Variants in RARB observed in about 807,000 individuals in gnomAD.
RARB encodes retinoic acid receptor beta, also known as HBV-activated protein.
Under a neutral mutation model 51.9 loss-of-function variants are expected in RARB, and 17 were observed. The observed-to-expected ratio is 0.33, with a 90% confidence interval of 0.22 to 0.49. The LOEUF (loss-of-function observed/expected upper bound fraction) is 0.49. Among genes scored for constraint, RARB ranks in the 20% least tolerant of loss-of-function variants. The pLI is 0.99. For missense variants in RARB, 369 were observed against 550.8 expected, an observed-to-expected ratio of 0.67 and a Z score of 3.30; for synonymous variants, 215 against 195.4, an observed-to-expected ratio of 1.10 and a Z score of -0.84.
At chr3:25,248,305 T>C (rs1244575748) in intron 5 of RARB, among the ~76,000 whole-genome samples, 1 of 152,190 alleles carries the variant, frequency 6.6e-6, no homozygotes, top group African/African-American at 2.4e-5. Context: ...AGGTGGATCA[T>C]GTTTTTAAAA....
intron 5 of RARB, among the ~76,000 whole-genome samples, chr3:25,185,364 T>G (rs891445887): frequency 6.6e-6 from 1 of 152,126 alleles, no homozygotes; most frequent in Non-Finnish European, 1.5e-5. Flanking sequence ...CCTTTTCTCT[T>G]AGGACCTGCG....
At chr3:25,422,147 A>G (rs1029901877) in intron 5 of RARB, among the ~76,000 whole-genome samples, 9 of 152,238 alleles carry the variant, frequency 5.9e-5, no homozygotes, top group African/African-American at 2.2e-4. Flanking sequence ...CTGTTCATAC[A>G]TATGATCTCA....
intron 5 of RARB, among the ~76,000 whole-genome samples, chr3:25,311,740 G>A (rs1266067623): frequency 1.3e-5 from 2 of 152,168 alleles, no homozygotes; most frequent in Non-Finnish European, 2.9e-5. Flanking sequence ...TGTAAGTGAT[G>A]GCTTTATTTT....
At chr3:25,106,980 A>G (rs868352663) in intron 3 of RARB, among the ~76,000 whole-genome samples, 1 of 151,752 alleles carries the variant, frequency 6.6e-6, no homozygotes, top group South Asian at 2.1e-4. Context: ...AGCTCACTGC[A>G]ACCTCCGCCT....
intron 4 of RARB, among the ~76,000 whole-genome samples, chr3:25,168,593 T>C (rs992336306): frequency 1.3e-5 from 2 of 151,850 alleles, no homozygotes; most frequent in Admixed American, 1.3e-4. Context: ...GAACAATGTA[T>C]AAATAAGAAA....
intron 3 of RARB, among the ~76,000 whole-genome samples, chr3:25,110,468 T>C (rs1290545002): frequency 1.6e-4 from 25 of 152,230 alleles, no homozygotes; most frequent in Admixed American, 1.6e-3. Flanking sequence ...AATTACTTTT[T>C]CCTGCATTTC....
At chr3:25,233,119 G>A (rs1453470122) in intron 5 of RARB, among the ~76,000 whole-genome samples, 1 of 151,726 alleles carries the variant, frequency 6.6e-6, no homozygotes, top group African/African-American at 2.4e-5. Flanking sequence ...GGAACTACAG[G>A]CACGTGCCAC....
intron 5 of RARB, among the ~76,000 whole-genome samples, chr3:25,241,314 T>C (rs934046013): frequency 6.6e-6 from 1 of 152,186 alleles, no homozygotes; most frequent in Non-Finnish European, 1.5e-5. Flanking sequence ...ATTTGTTTTA[T>C]GTCTTTTTTT....
At chr3:25,369,697 C>T (rs967318069) in intron 5 of RARB, among the ~76,000 whole-genome samples, 3 of 152,058 alleles carry the variant, frequency 2.0e-5, no homozygotes, top group Non-Finnish European at 2.9e-5. Flanking sequence ...CCGAGGCAGG[C>T]GGATCACCTG....
intron 2 of RARB, among the ~76,000 whole-genome samples, chr3:25,019,889 C>T (rs1195956970): frequency 2.0e-5 from 3 of 152,016 alleles, no homozygotes; most frequent in Non-Finnish European, 4.4e-5. Context: ...CAGCAGGGAG[C>T]TTGGGAGATT....
chr3:25,585,937 G>T (rs78932718), intron 5 of RARB, among the ~76,000 whole-genome samples: 2 of 152,124 alleles, frequency 1.3e-5, no homozygotes, highest in Non-Finnish European at 2.9e-5. Flanking sequence ...AGGGGAGCAG[G>T]GTCAGTGTGG....
chr3:25,493,799 T>A (rs1575457203), intron 2 of RARB, among the ~76,000 whole-genome samples: 1 of 152,206 alleles, frequency 6.6e-6, no homozygotes, highest in African/African-American at 2.4e-5. Context: ...CCTTTAAAAA[T>A]TTTTTAAAAA....
At chr3:25,430,751 G>C (rs149627891) in intron 1 of RARB, among the ~76,000 whole-genome samples, 1 of 152,244 alleles carries the variant, frequency 6.6e-6, no homozygotes, top group Non-Finnish European at 1.5e-5. Flanking sequence ...GTAAATAAAG[G>C]CATTTGACAA....
intron 3 of RARB, among the ~76,000 whole-genome samples, chr3:25,095,478 T>A (rs951452294): frequency 6.6e-6 from 1 of 152,172 alleles, no homozygotes; most frequent in Non-Finnish European, 1.5e-5. Flanking sequence ...TCCAAGTGAT[T>A]CCGATGCAAG....
intron 5 of RARB, among the ~76,000 whole-genome samples, chr3:25,205,656 T>C (rs1330157677): frequency 2.0e-5 from 3 of 152,062 alleles, no homozygotes; most frequent in African/African-American, 7.2e-5. Context: ...ATGCACTGTA[T>C]GCCCATATCA....
chr3:24,980,688 C>G (rs566466146), intron 2 of RARB, among the ~76,000 whole-genome samples: 2 of 152,178 alleles, frequency 1.3e-5, no homozygotes, highest in Non-Finnish European at 2.9e-5. Context: ...TGGTTTTTAG[C>G]TTCTTTATGA....
intron 4 of RARB, among the ~76,000 whole-genome samples, chr3:25,167,534 C>T (rs920514458): frequency 1.3e-5 from 2 of 152,138 alleles, no homozygotes; most frequent in Non-Finnish European, 2.9e-5. Flanking sequence ...TCCCAGAGAG[C>T]AGAGGCACCA....
At chr3:24,906,735 C>T (rs1559390784) in intron 2 of RARB, among the ~76,000 whole-genome samples, 1 of 149,256 alleles carries the variant, frequency 6.7e-6, no homozygotes, top group Admixed American at 6.8e-5. Flanking sequence ...ATCCCACCTA[C>T]TTGGGAAGCT....
intron 2 of RARB, among the ~76,000 whole-genome samples, chr3:24,871,759 C>T (rs1205189130): frequency 6.6e-6 from 1 of 152,192 alleles, no homozygotes; most frequent in Non-Finnish European, 1.5e-5. Context: ...CAGACCTGCA[C>T]CATGTATGGC....
Sources: allele counts gnomAD v4.1 joint callset (sites outside exome capture counted in the v4.1 genomes callset), GRCh38; gene constraint gnomAD v4.1.1; transcripts MANE v1.5; gene names NCBI Gene and HGNC (gene_info 2026-07-23, HGNC 2026-07-21).